The following LTBP2 variants were observed in gnomAD, a reference collection of about 807,000 sequenced individuals.
LTBP2 encodes the protein latent-transforming growth factor beta-binding protein 2.
A neutral mutation model predicts 210.6 loss-of-function variants in LTBP2; 103 were observed. The observed-to-expected ratio is 0.49, with a 90% CI of 0.42 to 0.58. The LOEUF (loss-of-function observed/expected upper bound fraction) is 0.58, where lower values mean the gene tolerates loss of function less well. Ranked by LOEUF, LTBP2 falls within the 20% of genes least tolerant of loss-of-function variation. LTBP2 has a pLI of 0.00. For missense variants in LTBP2, 2,313 were observed against 2,494.5 expected (o/e 0.93, Z 1.55); for synonymous variants, 1,007 against 1,015.0 (o/e 0.99, Z 0.15).
chr14:74,563,963 C>G (rs940740970), intron 3 of LTBP2, among the ~76,000 whole-genome samples: 4 of 129,128 alleles, frequency 3.1e-5, no homozygotes, highest in Non-Finnish European at 6.2e-5. Context: ...TGGTTACCTA[C>G]GTATGTGGCA....
Position 74,499,237 on chromosome 14 carries a change from G to A in LTBP2, c.*1647C>T, listed in dbSNP as rs1157602037. 1 of 216,406 alleles carries A rather than the reference G, an allele frequency of 4.6e-6. No homozygotes were observed. The highest frequency in any genetic ancestry group is 9.3e-6 in the Non-Finnish European group (1 of 107,394). 13.4% of individuals were successfully genotyped at this position (216,406 alleles called of 1,614,324 possible). A position where few individuals can be genotyped will look rare whatever the true frequency, so the allele number is the denominator to read the frequency against. ...TGCATTTCTTTTATTATGAGTGAAAGAATATTTTTACATGCGTAAGAGTGA... is the reference window on the plus strand; with the variant it reads ...TGCATTTCTTTTATTATGAGTGAAAAAATATTTTTACATGCGTAAGAGTGA... On this transcript the variant is annotated 3_prime_UTR_variant, in exon 36 of 36. Coordinates refer to ENST00000261978, the MANE Select transcript of LTBP2 (RefSeq NM_000428.3).
At chr14:74,514,305 C>T (rs944096850) in intron 18 of LTBP2, among the ~76,000 whole-genome samples, 4 of 152,170 alleles carry the variant, frequency 2.6e-5, no homozygotes, top group African/African-American at 9.7e-5. Flanking sequence ...AGCCCATGGC[C>T]GACACAGCTG....
At chr14:74,553,814 C>T (rs971386981) in intron 4 of LTBP2, among the ~76,000 whole-genome samples, 1 of 151,386 alleles carries the variant, frequency 6.6e-6, no homozygotes, top group African/African-American at 2.4e-5. Flanking sequence ...AAGCCAGAGG[C>T]AGAAGGTTGA....
intron 3 of LTBP2, among the ~76,000 whole-genome samples, chr14:74,556,439 T>C (rs558028462): frequency 9.2e-5 from 14 of 152,406 alleles, no homozygotes; most frequent in East Asian, 3.9e-4. Context: ...CATCGCTATA[T>C]GATAGTCCAG....
In LTBP2 at chr14:74,502,825, G is replaced by A. The variant is rs779332035; in HGVS notation, c.4998C>T (p.Tyr1666=). Residue 1666 remains tyrosine (Y), a synonymous_variant, in exon 34 of 36, where the codon TAC becomes TAT. Coordinates refer to ENST00000261978, the MANE Select transcript of LTBP2 (RefSeq NM_000428.3). ...EYGPGPDDLH[Y]SIYGPDGAPF... ...GGGCCCCATCTGGGCCATAGATGCTGTAGTGCAGGTCATCGGGCCCGGGGC... is the reference window on the plus strand; with the variant it reads ...GGGCCCCATCTGGGCCATAGATGCTATAGTGCAGGTCATCGGGCCCGGGGC... 34 of 1,614,080 alleles carry A rather than the reference G, an allele frequency of 2.1e-5. No homozygotes were observed. Among genetic ancestry groups the A allele is most frequent in the Non-Finnish European group, 2.7e-5 (32 of 1,180,022 alleles).
rs545486498 is a variant in LTBP2 at position 74,603,626 on chromosome 14, G to A, written c.565+9C>T. ...GAGCGGAGTGTCTGCTACTGGTGGA[G>A]GCACTCACGTTTGATACAGTGGTTG... On this transcript the variant is annotated intron_variant, in intron 2 of 35. Coordinates refer to ENST00000261978, the MANE Select transcript of LTBP2 (RefSeq NM_000428.3). 25 of 1,614,114 alleles carry A rather than the reference G, an allele frequency of 1.5e-5. 1 individual carries two copies. The South Asian group carries it at 2.5e-4, about 16-fold the overall frequency.
intron 16 of LTBP2, 119 bp downstream of exon 16, chr14:74,522,671 A>T: frequency 7.9e-7 from 1 of 1,271,916 alleles, no homozygotes; most frequent in Non-Finnish European, 1.1e-6. Context: ...TCCTAAACTC[A>T]TCAACCACCC....
intron 1 of LTBP2, among the ~76,000 whole-genome samples, chr14:74,609,747 T>C (rs1039332736): frequency 6.6e-6 from 1 of 152,212 alleles, no homozygotes; most frequent in Non-Finnish European, 1.5e-5. Context: ...TCCTTTGCAC[T>C]TAACAGGAAC....
chr14:74,594,222 C>A (rs4544177), intron 2 of LTBP2, among the ~76,000 whole-genome samples: 21,328 of 152,072 alleles, frequency 0.14, 2,202 homozygotes, highest in African/African-American at 0.28. Flanking sequence ...CCACCCTACC[C>A]CCCGGGCAAG....
At chr14:74,501,132 C>G (rs971545362) in intron 35 of LTBP2, 103 bp from the exon 36 acceptor site, 2 of 1,389,998 alleles carry the variant, frequency 1.4e-6, no homozygotes, top group African/African-American at 2.9e-5. Flanking sequence ...TAGAGTGAAA[C>G]CCTAAGTGTG....
chr14:74,576,630 A>G (rs949696096), intron 3 of LTBP2, among the ~76,000 whole-genome samples: 2 of 151,706 alleles, frequency 1.3e-5, no homozygotes, highest in Non-Finnish European at 2.9e-5. Context: ...TACGCTGTAC[A>G]CTGTACAACT....
intron 3 of LTBP2, among the ~76,000 whole-genome samples, chr14:74,558,624 A>G (rs1233061230): frequency 1.3e-5 from 2 of 151,082 alleles, no homozygotes; most frequent in Admixed American, 6.6e-5. Flanking sequence ...CCTGACAAAG[A>G]GCTCTCCAGT....
chr14:74,581,554 GC>G (rs2088136810), intron 3 of LTBP2, among the ~76,000 whole-genome samples: 1 of 152,118 alleles, frequency 6.6e-6, no homozygotes. Context: ...AGGAATGAGG[GC>G]AGCTCCTGAT....
chr14:74,591,926 T>C (rs183679970), intron 2 of LTBP2, among the ~76,000 whole-genome samples: 164 of 152,364 alleles, frequency 1.1e-3, no homozygotes, highest in South Asian at 4.1e-3. Flanking sequence ...ATGTTCTTTT[T>C]AATTAAAGGT....
rs1443599025 is a variant in LTBP2, at chr14:74,509,724, C to T, written c.3277+10G>A. ...TCTGTCCCCTTCCACCACTGCCTCC[C>T]CAGGGTTACCTTCACAGGCAGTGCC... On this transcript the variant is annotated intron_variant, in intron 21 of 35. Transcript: ENST00000261978. 3 of 1,613,978 alleles carry T rather than the reference C, an allele frequency of 1.9e-6. No homozygotes were observed. The East Asian group carries it at 6.7e-5, about 36-fold the overall frequency.
intron 2 of LTBP2, among the ~76,000 whole-genome samples, chr14:74,595,248 A>T (rs2088342619): frequency 6.6e-6 from 1 of 152,196 alleles, no homozygotes; most frequent in South Asian, 2.1e-4. Flanking sequence ...ATGCTGCAAC[A>T]CTGGGCCAGG....
chr14:74,543,169 G>C (rs2139736523), intron 8 of LTBP2, among the ~76,000 whole-genome samples: 1 of 151,934 alleles, frequency 6.6e-6, no homozygotes, highest in South Asian at 2.1e-4. Context: ...ACGAGGTCGG[G>C]AGATTGAGAC....
At chr14:74,569,884 C>G (rs527751199) in intron 3 of LTBP2, among the ~76,000 whole-genome samples, 19 of 152,212 alleles carry the variant, frequency 1.2e-4, no homozygotes, top group African/African-American at 4.6e-4. Flanking sequence ...ACGGCAAAAC[C>G]CACAGTCCTA....
Position 74,612,021 on chromosome 14 carries a change from C to T in LTBP2, c.-77G>A, listed in dbSNP as rs1481811594. 1.9e-5 allele frequency: 26 copies of T among 1,393,510 alleles called. No individual in the cohort carries two copies. Among genetic ancestry groups the T allele is most frequent in the Non-Finnish European group, 2.2e-5 (24 of 1,074,078 alleles). 86.3% of individuals were successfully genotyped at this position (1,393,510 alleles called of 1,614,324 possible). A position where few individuals can be genotyped will look rare whatever the true frequency, so the allele number is the denominator to read the frequency against. On this transcript the variant is annotated 5_prime_UTR_variant, in exon 1 of 36. Coordinates refer to ENST00000261978, the MANE Select transcript of LTBP2 (RefSeq NM_000428.3). ...GGTCGGCACGCTGGACGCCCGCGGGCTGTTCTCCCGGCCCCGCCCGGCGGC... is the reference window on the plus strand; with the variant it reads ...GGTCGGCACGCTGGACGCCCGCGGGTTGTTCTCCCGGCCCCGCCCGGCGGC...
Sources: allele counts gnomAD v4.1 joint callset (sites outside exome capture counted in the v4.1 genomes callset), GRCh38; gene constraint gnomAD v4.1.1; transcripts MANE v1.5; gene names NCBI Gene and HGNC (gene_info 2026-07-23, HGNC 2026-07-21).